Variants in ZFX observed in about 807,000 individuals in gnomAD.
The protein encoded by ZFX is zinc finger protein X-linked, also known as zinc finger X-chromosomal protein.
For synonymous variants in ZFX, 196 were observed against 226.8 expected (o/e 0.86, Z 1.22); for missense variants, 362 against 628.3 (o/e 0.58, Z 4.53).
At chrX:24,172,680 C>A in intron 3 of ZFX, 35 bp from the exon 4 acceptor site, 1 of 1,049,090 alleles carries the variant, frequency 9.5e-7, no homozygotes, top group Non-Finnish European at 1.3e-6. Flanking sequence ...TATGAAAAAA[C>A]TAATGGCTTT....
chrX:24,150,930 A>G (rs1000624525), intron 1 of ZFX: 5 of 112,524 alleles, frequency 4.4e-5, no homozygotes, highest in African/African-American at 1.3e-4. Context: ...ATGTGGAAAC[A>G]ACTTTCTTGA....
intron 3 of ZFX, among the ~76,000 whole-genome samples, chrX:24,170,739 T>A (rs1934518887): frequency 9.3e-6 from 1 of 107,491 alleles, no homozygotes; most frequent in African/African-American, 3.4e-5. Flanking sequence ...GCCTCCTGAG[T>A]AGCTGGGATT....
At chrX:24,181,670 C>G (rs1295027614) in intron 5 of ZFX, among the ~76,000 whole-genome samples, 1 of 111,749 alleles carries the variant, frequency 8.9e-6, no homozygotes, top group East Asian at 2.8e-4. Context: ...TACACATTTA[C>G]AAGTTTGGTT....
At chrX:24,149,578 ACCCTTCCGCATTTT>A (rs1931711877), upstream of ZFX, 1 of 109,423 alleles carries the variant, frequency 9.1e-6, no homozygotes, top group African/African-American at 3.3e-5. Context: ...GGGCCTGTCT[ACCCTTCCGCATTTT>A]CCTGGGTCTC....
chrX:24,152,650 G>A (rs2147202212), intron 2 of ZFX, 70 bp from the exon 3 acceptor site: 1 of 111,954 alleles, frequency 8.9e-6, no homozygotes, highest in African/African-American at 3.2e-5. Context: ...TGAGAAGGCG[G>A]GCTGTGGTTG....
chrX:24,163,971 T>C (rs1299883826), intron 3 of ZFX, among the ~76,000 whole-genome samples: 2 of 107,618 alleles, frequency 1.9e-5, no homozygotes, highest in Non-Finnish European at 3.8e-5. Context: ...TTTCTTTTTT[T>C]CTGTTTTTTT....
rs1031190909 is a variant in ZFX at position 24,215,810 on chromosome X, G to A, written c.*4434G>A. On this transcript the variant is annotated 3_prime_UTR_variant, in exon 10 of 10. Transcript: ENST00000304543. ...CAAAGGTAAACTGAGTTGAGAGGAA[G>A]ATTCAGCATTTAAAAGAGAAGGGTT... 9.3e-6 allele frequency: 1 copy of A among 107,570 alleles called. No homozygotes were observed. Among genetic ancestry groups the A allele is most frequent in the African/African-American group, 3.4e-5 (1 of 29,323 alleles). 8.9% of individuals were successfully genotyped at this position (107,570 alleles called of 1,213,427 possible).
chrX:24,170,404 GTC>G (rs763589127), intron 3 of ZFX, among the ~76,000 whole-genome samples: 1 of 107,926 alleles, frequency 9.3e-6, no homozygotes, highest in African/African-American at 3.4e-5. Flanking sequence ...TGATCCACCC[GTC>G]TCAGCCTCCC....
At chrX:24,172,315 C>T (rs752953181) in intron 3 of ZFX, among the ~76,000 whole-genome samples, 2 of 111,838 alleles carry the variant, frequency 1.8e-5, no homozygotes, top group African/African-American at 3.2e-5. Context: ...AACTGGTTAC[C>T]CTTGTGGGAA....
chrX:24,163,310 A>T (rs1933585583), intron 3 of ZFX, among the ~76,000 whole-genome samples: 1 of 61,566 alleles, frequency 1.6e-5, no homozygotes. Context: ...CGGATACTTG[A>T]CTTGGGATTC....
At chrX:24,200,578 A>G (rs774343671) in intron 5 of ZFX, among the ~76,000 whole-genome samples, 3 of 111,544 alleles carry the variant, frequency 2.7e-5, no homozygotes, top group South Asian at 3.7e-4. Context: ...GCATGTTACA[A>G]TATCTTATTT....
At chrX:24,168,289 TAGAGTTGAGTCATAGAATTAAC>T (rs1934200957) in intron 3 of ZFX, among the ~76,000 whole-genome samples, 1 of 112,018 alleles carries the variant, frequency 8.9e-6, no homozygotes, top group African/African-American at 3.2e-5. Flanking sequence ...TGAGAAGAAT[TAGAGTTGAGTCATAGAATTAAC>T]AGGCAGTGAG....
intron 3 of ZFX, among the ~76,000 whole-genome samples, chrX:24,153,898 C>T (rs1027367411): frequency 9.3e-6 from 1 of 107,883 alleles, no homozygotes; most frequent in East Asian, 2.8e-4. Flanking sequence ...ATCAGGTATC[C>T]AGTCAGTGTG....
In ZFX at chrX:24,214,714, C is replaced by T. The variant is rs12012207; in HGVS notation, c.*3338C>T. On this transcript the variant is annotated 3_prime_UTR_variant, in exon 10 of 10. Coordinates refer to ENST00000304543, the MANE Select transcript of ZFX (RefSeq NM_003410.4). ...TGGAATTCATTTTTTCTTTTATCTT[C>T]ATAAAGGATTTGTTTTATTAGCATC... 101 of 112,104 alleles carry T rather than the reference C, an allele frequency of 9.0e-4. No homozygotes were observed. Among genetic ancestry groups the T allele is most frequent in the African/African-American group, 3.1e-3 (96 of 30,916 alleles). 9.2% of individuals were successfully genotyped at this position (112,104 alleles called of 1,213,427 possible). A position where few individuals can be genotyped will look rare whatever the true frequency, so the allele number is the denominator to read the frequency against.
Position 24,209,692 on chromosome X carries a change from C to T in ZFX, c.1235-501C>T, listed in dbSNP as rs12859317. Among the ~76,000 whole-genome samples, 1,031 of 111,143 alleles carry T rather than the reference C, an allele frequency of 9.3e-3. 3 individuals are homozygous for T. The highest frequency in any genetic ancestry group is 0.015 in the Non-Finnish European group (802 of 53,035). On this transcript the variant is annotated intron_variant, in intron 9 of 9. Coordinates refer to ENST00000304543, the MANE Select transcript of ZFX (RefSeq NM_003410.4). The stretch of plus-strand genomic sequence containing the variant: ...CTGGGTACAGGTGGTTCTCCTGCCT[C>T]AACCTTCCAAGCGGCTAGGATTACA...
chrX:24,202,341 A>G (rs1937351649), intron 5 of ZFX, among the ~76,000 whole-genome samples: 1 of 111,509 alleles, frequency 9.0e-6, no homozygotes, highest in Admixed American at 9.6e-5. Context: ...TCTGCAACCC[A>G]TTCTAGTTAT....
intron 9 of ZFX, among the ~76,000 whole-genome samples, chrX:24,209,328 C>T (rs750543057): frequency 2.3e-4 from 26 of 112,171 alleles, no homozygotes; most frequent in African/African-American, 8.1e-4. Context: ...TAAGCATTAA[C>T]TTTTTAAATA....
chrX:24,211,488 C>A lies in ZFX; in HGVS notation c.*112C>A. On this transcript the variant is annotated 3_prime_UTR_variant, in exon 10 of 10. Transcript: ENST00000304543. ...ACTGTATATTGATTTATGCTGTGTA[C>A]AAATAGAATTATTACTTCTAGTTGA... 1.1e-6 allele frequency: 1 copy of A among 901,156 alleles called. No homozygotes were observed. Among genetic ancestry groups the A allele is most frequent in the Admixed American group, 3.6e-5 (1 of 27,626 alleles). The allele number at this position is 901,156 out of a possible 1,213,427, so 74.3% of individuals were successfully genotyped here. A position where few individuals can be genotyped will look rare whatever the true frequency, so the allele number is the denominator to read the frequency against.
At chrX:24,202,414 C>T (rs1601956858) in intron 5 of ZFX, among the ~76,000 whole-genome samples, 1 of 111,714 alleles carries the variant, frequency 9.0e-6, no homozygotes, top group Admixed American at 9.6e-5. Flanking sequence ...ACTCCTCAGC[C>T]CACTCTAGTC....
Sources: allele counts gnomAD v4.1 joint callset (sites outside exome capture counted in the v4.1 genomes callset), GRCh38; gene constraint gnomAD v4.1.1; transcripts MANE v1.5; gene names NCBI Gene and HGNC (gene_info 2026-07-23, HGNC 2026-07-21).